The following ZNF74 variants were observed in gnomAD, a reference collection of about 807,000 sequenced individuals.
ZNF74 encodes the protein zinc finger protein 520.
ZNF74 carries 12 observed loss-of-function variants against 17.7 expected under a neutral mutation model. The ratio of observed to expected loss-of-function variants is 0.68; its 90% CI spans 0.43 to 1.10. ZNF74 has a LOEUF of 1.10. Ranked by LOEUF, ZNF74 falls within the 50% of genes least tolerant of loss-of-function variation. The pLI is 0.00. For synonymous variants in ZNF74, 358 were observed against 362.1 expected (o/e 0.99, Z 0.13); for missense variants, 811 against 881.0 (o/e 0.92, Z 1.01).
At chr22:20,395,282 C>G in intron 1 of ZNF74, 51 bp from the exon 2 acceptor site, 1 of 1,446,582 alleles carries the variant, frequency 6.9e-7, no homozygotes, top group Non-Finnish European at 9.6e-7. Context: ...GGGCTTTAAG[C>G]TCAGCCGTGA....
chr22:20,405,694 GA>G lies in ZNF74; in HGVS notation c.665del (p.Asn222ThrfsTer389). 1 of 1,607,380 alleles carries G rather than the reference GA, an allele frequency of 6.2e-7. No homozygotes were observed. Among genetic ancestry groups the G allele is most frequent in the East Asian group, 2.2e-5 (1 of 44,508 alleles). On this transcript the variant is annotated frameshift_variant, in exon 5 of 5. Coordinates refer to ENST00000400451, the MANE Select transcript of ZNF74 (RefSeq NM_003426.4). LOFTEE classifies it low-confidence loss of function (END_TRUNC). ...GGCCCCCGCGAGACTGTGTGCAGGG[GA>G]AAACGCCTCCACGCCAAGTGAGCCA... ...TKAPARLCAG[E>X]NASTPSEPEK...
At chr22:20,395,305 T>G in intron 1 of ZNF74, 28 bp from the exon 2 acceptor site, 1 of 1,554,346 alleles carries the variant, frequency 6.4e-7, no homozygotes, top group Non-Finnish European at 8.8e-7. Context: ...CTGGTAGCCG[T>G]GACCTTGACT....
Position 20,407,171 on chromosome 22 carries a change from T to G in ZNF74, c.*203T>G. 1.4e-6 allele frequency: 1 copy of G among 722,722 alleles called. No homozygotes were observed. Among genetic ancestry groups the G allele is most frequent in the East Asian group, 2.8e-5 (1 of 35,280 alleles). 44.8% of individuals were successfully genotyped at this position (722,722 alleles called of 1,614,324 possible). On this transcript the variant is annotated 3_prime_UTR_variant, in exon 5 of 5. Coordinates refer to ENST00000400451, the MANE Select transcript of ZNF74 (RefSeq NM_003426.4). ...CAGAAGGGCCACACTCCAGGAGGAG[T>G]GTTGAGAGTCATTTGAGGTAGTCTT...
At chr22:20,400,495 T>G (rs1461562090) in intron 2 of ZNF74, 137 bp from the exon 3 acceptor site, 3 of 1,060,884 alleles carry the variant, frequency 2.8e-6, no homozygotes, top group Non-Finnish European at 4.3e-6. Flanking sequence ...GGTCAGTGTC[T>G]ACAGCACAAC....
rs1437560974 is a variant in ZNF74, at chr22:20,405,627, G to A, written c.594G>A (p.Leu198=). 2.0e-5 allele frequency: 33 copies of A among 1,613,076 alleles called. No homozygotes were observed. The highest frequency in any genetic ancestry group is 2.6e-5 in the Non-Finnish European group (31 of 1,179,656). ...GCGTTCCCGAGGGGGGACCCTTGCTGGACACACGCAAGAACGTCCAGGCCA... is the reference window on the plus strand; with the variant it reads ...GCGTTCCCGAGGGGGGACCCTTGCTAGACACACGCAAGAACGTCCAGGCCA... ...QQRVPEGGPL[L]DTRKNVQATE... Residue 198 remains leucine (L), a synonymous_variant, in exon 5 of 5, where the codon CTG becomes CTA. Coordinates refer to ENST00000400451, the MANE Select transcript of ZNF74 (RefSeq NM_003426.4).
At position 20,406,017 on chromosome 22, in the gene ZNF74, C is replaced by A. The variant is rs1296223949; in HGVS notation, c.984C>A (p.Gly328=). 5.0e-6 allele frequency: 8 copies of A among 1,612,926 alleles called. No individual in the cohort carries two copies. The Admixed American group carries it at 1.3e-4, about 27-fold the overall frequency. Residue 328 remains glycine, a synonymous_variant, in exon 5 of 5, where the codon GGC becomes GGA. Transcript: ENST00000400451. ...SLNVHQRIHT[G]ERPYKCSACE... ...ACGTGCACCAGCGCATCCACACGGG[C>A]GAGCGGCCCTACAAGTGCAGCGCCT...
At chr22:20,403,756 G>A (rs567347590) in intron 4 of ZNF74, among the ~76,000 whole-genome samples, 14 of 152,218 alleles carry the variant, frequency 9.2e-5, no homozygotes, top group African/African-American at 2.4e-4. Context: ...ACAACAGAGC[G>A]AGACTGTGTC....
At position 20,401,919 on chromosome 22, in the gene ZNF74, C is replaced by A. The variant is rs1188891169; in HGVS notation, c.343+547C>A. 6.6e-6 allele frequency among the ~76,000 whole-genome samples: 1 copy of A among 151,380 alleles called. No homozygotes were observed. Among genetic ancestry groups the A allele is most frequent in the Non-Finnish European group, 1.5e-5 (1 of 68,022 alleles). On this transcript the variant is annotated intron_variant, in intron 4 of 4. Coordinates refer to ENST00000400451, the MANE Select transcript of ZNF74 (RefSeq NM_003426.4). The surrounding 1 kb of genome is among the most constrained non-coding windows in gnomAD (Gnocchi z 4.2). ...GCATCAGCGTCAGGGTCAGGGTCAACGTCAGCGAGGGCTTCCAGGCTGTGG... is the reference window on the plus strand; with the variant it reads ...GCATCAGCGTCAGGGTCAGGGTCAAAGTCAGCGAGGGCTTCCAGGCTGTGG...
Position 20,401,918 on chromosome 22 carries a change from A to G in ZNF74, c.343+546A>G, listed in dbSNP as rs1024676041. On this transcript the variant is annotated intron_variant, in intron 4 of 4. Transcript: ENST00000400451. This position sits in a 1 kb window ranked among gnomAD's most constrained non-coding sequence, Gnocchi z 4.2. ...AGCATCAGCGTCAGGGTCAGGGTCAACGTCAGCGAGGGCTTCCAGGCTGTG... is the reference window on the plus strand; with the variant it reads ...AGCATCAGCGTCAGGGTCAGGGTCAGCGTCAGCGAGGGCTTCCAGGCTGTG... 2.0e-5 allele frequency among the ~76,000 whole-genome samples: 3 copies of G among 150,992 alleles called. No individual in the cohort carries two copies. Among genetic ancestry groups the G allele is most frequent in the Non-Finnish European group, 4.4e-5 (3 of 68,006 alleles).
Position 20,406,161 on chromosome 22 carries a change from A to G in ZNF74, c.1128A>G (p.Thr376=). 6.3e-7 allele frequency: 1 copy of G among 1,587,716 alleles called. No individual in the cohort carries two copies. ...GKAFNQRTHL[T]RHHRIHTGEK... ...CCTTCAACCAGCGTACACACCTCAC[A>G]CGCCACCACCGCATCCACACGGGCG... The change falls in exon 5 of 5, where the codon ACA becomes ACG. Residue 376 remains threonine (T), a synonymous_variant. Transcript: ENST00000400451.
rs372595053 is a variant in ZNF74, at chr22:20,406,267, G to A, written c.1234G>A (p.Gly412Arg). The A allele has an allele frequency of 5.6e-6, 9 of 1,611,686 alleles. No homozygotes were observed. The highest frequency in any genetic ancestry group is 1.3e-5 in the African/African-American group (1 of 75,000). Residue 412 changes from glycine to arginine, a missense_variant, in exon 5 of 5, where the codon GGG becomes AGG. Transcript: ENST00000400451. Reference sequence around the variant, plus strand: ...CACCGTGCATGAGAAGATCCACAGCGGGGACAAGCCGTTCAAGTGCAGCGA... The same window carrying A: ...CACCGTGCATGAGAAGATCCACAGCAGGGACAAGCCGTTCAAGTGCAGCGA... ...SLTVHEKIHS[G>R]DKPFKCSDCE...
Position 20,395,065 on chromosome 22 carries a change from C to A in ZNF74, c.35-268C>A, listed in dbSNP as rs1369557161. ...ATCGCTCCTGGCCTCCTGCTTCTTT[C>A]TTCCCCGCGCCCAATCATTTGTTCC... On this transcript the variant is annotated intron_variant, in intron 1 of 4. Transcript: ENST00000400451. The A allele has an allele frequency of 2.6e-5, 12 of 458,998 alleles. No homozygotes were observed. In the East Asian group the frequency reaches 4.1e-4, roughly 16 times the overall value. 28.4% of individuals were successfully genotyped at this position (458,998 alleles called of 1,614,324 possible). A position where few individuals can be genotyped will look rare whatever the true frequency, so the allele number is the denominator to read the frequency against.
In ZNF74 at chr22:20,405,770, G is replaced by T; in HGVS notation, c.737G>T (p.Gly246Val). Residue 246 changes from glycine to valine, a missense_variant, in exon 5 of 5, where the codon GGC (glycine) becomes GTC (valine). This residue lies in a region of ZNF74 where 666 missense variants were observed against 702.3 expected (regional missense o/e 0.95). Coordinates refer to ENST00000400451, the MANE Select transcript of ZNF74 (RefSeq NM_003426.4). ...CAGCGCGGGGCGGGCGCCGGGGAGG[G>T]CGAGTTCGTGTGCGGCGAGTGCGGG... ...RRQRGAGAGEGEFVCGECGKA... is the reference protein window; with the variant it reads ...RRQRGAGAGEVEFVCGECGKA... 1 of 1,608,824 alleles carries T rather than the reference G, an allele frequency of 6.2e-7. No homozygotes were observed.
intron 4 of ZNF74, 92 bp from the exon 5 acceptor site, chr22:20,405,285 G>C: frequency 7.2e-7 from 1 of 1,382,050 alleles, no homozygotes; most frequent in Non-Finnish European, 9.9e-7. Context: ...TCTCTTTTCT[G>C]GGCTTATCTG....
Position 20,401,050 on chromosome 22 carries a change from A to T in ZNF74, c.248-227A>T. Reference sequence around the variant, plus strand: ...CCTGGAGCCCAGCTGGCTCTGGAACAGTCCTCAAGCAATGAAGTAAGGACG... The same window carrying T: ...CCTGGAGCCCAGCTGGCTCTGGAACTGTCCTCAAGCAATGAAGTAAGGACG... On this transcript the variant is annotated intron_variant, in intron 3 of 4. Coordinates refer to ENST00000400451, the MANE Select transcript of ZNF74 (RefSeq NM_003426.4). The surrounding 1 kb of genome is among the most constrained non-coding windows in gnomAD (Gnocchi z 4.2). 1 of 591,856 alleles carries T rather than the reference A, an allele frequency of 1.7e-6. No homozygotes were observed. Among genetic ancestry groups the T allele is most frequent in the Non-Finnish European group, 3.0e-6 (1 of 333,606 alleles). 36.7% of individuals were successfully genotyped at this position (591,856 alleles called of 1,614,324 possible). A position where few individuals can be genotyped will look rare whatever the true frequency, so the allele number is the denominator to read the frequency against.
Position 20,406,817 on chromosome 22 carries a change from C to T in ZNF74, c.1784C>T (p.Thr595Ile). The change falls in exon 5 of 5, where the codon ACA becomes ATA. Residue 595 changes from threonine (T) to isoleucine (I), a missense_variant. Thr to Ile is a moderately conservative substitution (Grantham distance 89). Around this residue, in one of 3 missense-constraint regions of ZNF74, gnomAD observed 115 missense variants for 119.5 expected, o/e 0.96. Transcript: ENST00000400451. The part of the protein sequence containing the change: ...AIQFNKHLLS[T>I]YYVPGSLLGA... The stretch of plus-strand genomic sequence containing the variant: ...CAGTTCAACAAACACCTGCTCAGCA[C>T]ATACTACGTGCCTGGCAGCCTGCTG... 6.2e-7 allele frequency: 1 copy of T among 1,614,126 alleles called. No homozygotes were observed. The highest frequency in any genetic ancestry group is 8.5e-7 in the Non-Finnish European group (1 of 1,180,036).
chr22:20,400,437 G>A, intron 2 of ZNF74, 195 bp from the exon 3 acceptor site: 1 of 610,048 alleles, frequency 1.6e-6, no homozygotes, highest in Non-Finnish European at 2.9e-6. Context: ...GGGAATGCAT[G>A]CCAATTCCCA....
At chr22:20,400,058 C>A (rs2052339903) in intron 2 of ZNF74, 1 of 158,458 alleles carries the variant, frequency 6.3e-6, no homozygotes, top group African/African-American at 2.4e-5. Flanking sequence ...TGCCCAGGCC[C>A]AGGGGGAGCA....
chr22:20,394,184 C>G lies in ZNF74; in HGVS notation c.-445C>G, dbSNP rs1392369206. ...CGCCTGCTGCTCTTTGTGGCAGTCG[C>G]AGTCCTTTTGTGGGAGTCCGGTCTG... On this transcript the variant is annotated 5_prime_UTR_variant, in exon 1 of 5. Coordinates refer to ENST00000400451, the MANE Select transcript of ZNF74 (RefSeq NM_003426.4). The G allele has an allele frequency of 7.8e-6, 5 of 643,286 alleles. No homozygotes were observed. The highest frequency in any genetic ancestry group is 1.1e-5 in the Non-Finnish European group (4 of 352,390). 39.8% of individuals were successfully genotyped at this position (643,286 alleles called of 1,614,324 possible). A position where few individuals can be genotyped will look rare whatever the true frequency, so the allele number is the denominator to read the frequency against.
Sources: gnomAD v4.1 joint callset for allele counts (sites outside exome capture counted in the v4.1 genomes callset) on GRCh38, gnomAD v4.1.1 for gene constraint, gnomAD v4.1.1 regional missense constraint, Gnocchi (gnomAD v3.1) non-coding constraint, MANE v1.5 for transcripts, NCBI Gene and HGNC (gene_info 2026-07-23, HGNC 2026-07-21) for gene names.